The following AKR1D1 variants were observed in gnomAD, a reference collection of about 807,000 sequenced individuals.
AKR1D1 encodes aldo-keto reductase family 1 member D1.
In AKR1D1, 32 loss-of-function variants were observed where a neutral mutation model predicts 42.6. The ratio of observed to expected loss-of-function variants is 0.75; its 90% CI spans 0.57 to 1.01. The LOEUF (loss-of-function observed/expected upper bound fraction) is 1.01. Among genes scored for constraint, AKR1D1 ranks in the 50% least tolerant of loss-of-function variants. The pLI, the probability that AKR1D1 is intolerant of heterozygous loss-of-function variation, is 0.00. For missense variants in AKR1D1, 364 were observed against 402.2 expected, an observed-to-expected ratio of 0.91 and a Z score of 0.81; for synonymous variants, 123 against 135.5, an observed-to-expected ratio of 0.91 and a Z score of 0.64.
At chr7:138,107,836 TTTTTG>T (rs1794463853) in intron 7 of AKR1D1, among the ~76,000 whole-genome samples, 1 of 152,120 alleles carries the variant, frequency 6.6e-6, no homozygotes, top group South Asian at 2.1e-4. Context: ...TACTTTTTAT[TTTTTG>T]TTTTAAATTT....
Position 138,088,749 on chromosome 7 carries a change from A to T in AKR1D1, c.242A>T (p.Asp81Val), listed in dbSNP as rs567335712. The stretch of plus-strand genomic sequence containing the variant: ...GCAGAAGGAAAGGTGCGGAGGGAAG[A>T]TATCTTCTACTGTGGAAAGGTGAGA... ...KIAEGKVRRE[D>V]IFYCGKLWAT... The change falls in exon 2 of 9, where the codon GAT (aspartate) becomes GTT (valine). Residue 81 changes from aspartate to valine, a missense_variant. Coordinates refer to ENST00000242375, the MANE Select transcript of AKR1D1 (RefSeq NM_005989.4). The T allele has an allele frequency of 1.9e-5, 30 of 1,604,586 alleles. No homozygotes were observed. In the Admixed American group the frequency reaches 2.1e-4, roughly 11 times the overall value.
intron 1 of AKR1D1, among the ~76,000 whole-genome samples, chr7:138,087,567 A>G (rs1414593386): frequency 1.3e-5 from 2 of 152,230 alleles, no homozygotes; most frequent in Non-Finnish European, 2.9e-5. Flanking sequence ...TAAACTGTCC[A>G]TATTTAAAGT....
intron 5 of AKR1D1, 134 bp from the exon 6 acceptor site, chr7:138,106,474 A>G (rs1327846501): frequency 1.4e-6 from 1 of 721,724 alleles, no homozygotes; most frequent in African/African-American, 1.7e-5. Context: ...ACAGACTAGG[A>G]CACGAAATGT....
At chr7:138,111,504 C>G (rs1263386170) in intron 7 of AKR1D1, among the ~76,000 whole-genome samples, 6 of 152,166 alleles carry the variant, frequency 3.9e-5, no homozygotes, top group Admixed American at 1.3e-4. Context: ...ACATCTGATA[C>G]AGTTAACAAT....
At chr7:138,109,497 T>G (rs1794496533) in intron 7 of AKR1D1, among the ~76,000 whole-genome samples, 1 of 152,174 alleles carries the variant, frequency 6.6e-6, no homozygotes, top group Non-Finnish European at 1.5e-5. Flanking sequence ...AATCCCTGAT[T>G]AGCTCCTGAA....
intron 3 of AKR1D1, among the ~76,000 whole-genome samples, chr7:138,094,509 T>C (rs1276687784): frequency 6.6e-6 from 1 of 151,164 alleles, no homozygotes; most frequent in Non-Finnish European, 1.5e-5. Context: ...AGCAAGACCC[T>C]GTCTTGGAAA....
intron 4 of AKR1D1, among the ~76,000 whole-genome samples, chr7:138,103,960 C>T (rs1333340838): frequency 6.6e-6 from 1 of 151,824 alleles, no homozygotes; most frequent in Admixed American, 6.6e-5. Context: ...TGAGACCCCC[C>T]TCATCTCCAA....
At chr7:138,088,792 A>G (rs370064473) in intron 2 of AKR1D1, 24 bp downstream of exon 2, 13 of 1,573,288 alleles carry the variant, frequency 8.3e-6, no homozygotes, top group African/African-American at 2.7e-5. Context: ...TTCAGCCTCC[A>G]CTGGGGACAG....
rs201088819 is a variant in AKR1D1 at position 138,116,710 on chromosome 7, C to G, written c.*48C>G. 1 of 1,534,524 alleles carries G rather than the reference C, an allele frequency of 6.5e-7. No individual in the cohort carries two copies. ...TTTTTCACTCCCACGAGTGCCAAGA[C>G]GGTGCAATGGGTAGTCCCCTAGATG... On this transcript the variant is annotated 3_prime_UTR_variant, in exon 9 of 9. Coordinates refer to ENST00000242375, the MANE Select transcript of AKR1D1 (RefSeq NM_005989.4).
intron 1 of AKR1D1, among the ~76,000 whole-genome samples, chr7:138,085,054 C>CAAAAAAAAA (rs58253168): frequency 4.2e-5 from 3 of 70,834 alleles, no homozygotes; most frequent in African/African-American, 6.1e-5. Flanking sequence ...GACTCCGTCT[C>CAAAAAAAAA]AAAAAAAAAA....
chr7:138,096,003 C>T (rs1240392207), intron 3 of AKR1D1, among the ~76,000 whole-genome samples: 1 of 151,810 alleles, frequency 6.6e-6, no homozygotes, highest in African/African-American at 2.4e-5. Flanking sequence ...GAGTTCGAGA[C>T]CAGCCTGGAC....
At chr7:138,103,996 C>G (rs1018400028) in intron 4 of AKR1D1, among the ~76,000 whole-genome samples, 7 of 151,920 alleles carry the variant, frequency 4.6e-5, no homozygotes, top group African/African-American at 1.7e-4. Flanking sequence ...CAAAATTTAG[C>G]CAGTGTGGTT....
chr7:138,108,357 A>G (rs1463804180), intron 7 of AKR1D1, among the ~76,000 whole-genome samples: 2 of 152,248 alleles, frequency 1.3e-5, no homozygotes, highest in Non-Finnish European at 1.5e-5. Flanking sequence ...TTTCAAAAGT[A>G]AATTGCCTGT....
chr7:138,099,383 A>G (rs896713207), intron 4 of AKR1D1, among the ~76,000 whole-genome samples: 2 of 152,258 alleles, frequency 1.3e-5, no homozygotes, highest in African/African-American at 4.8e-5. Context: ...AACAGAACAG[A>G]GAACCAGGAA....
chr7:138,115,717 A>C (rs1794621218), intron 8 of AKR1D1, among the ~76,000 whole-genome samples: 1 of 152,186 alleles, frequency 6.6e-6, no homozygotes, highest in African/African-American at 2.4e-5. Flanking sequence ...TGAAAATCTT[A>C]ATATTTTCCA....
chr7:138,078,068 C>T (rs775207476), intron 1 of AKR1D1, among the ~76,000 whole-genome samples: 1 of 152,156 alleles, frequency 6.6e-6, no homozygotes, highest in Non-Finnish European at 1.5e-5. Context: ...CTCAAGCAAT[C>T]ATTCTGACTC....
At chr7:138,095,611 C>T (rs1277319966) in intron 3 of AKR1D1, among the ~76,000 whole-genome samples, 3 of 152,082 alleles carry the variant, frequency 2.0e-5, no homozygotes, top group Non-Finnish European at 2.9e-5. Flanking sequence ...CTGCAATCTC[C>T]GCCTCCCGGG....
intron 1 of AKR1D1, among the ~76,000 whole-genome samples, chr7:138,079,818 A>G (rs746794361): frequency 2.3e-4 from 35 of 152,210 alleles, no homozygotes; most frequent in Non-Finnish European, 4.6e-4. Context: ...ATCATGTCCC[A>G]TGGTCAGATG....
chr7:138,079,790 C>T (rs534102341), intron 1 of AKR1D1, among the ~76,000 whole-genome samples: 8 of 152,214 alleles, frequency 5.3e-5, no homozygotes, highest in Non-Finnish European at 1.0e-4. Flanking sequence ...TAATGGGCAG[C>T]TCTGGCCACA....
Sources: allele counts gnomAD v4.1 joint callset (sites outside exome capture counted in the v4.1 genomes callset), GRCh38; gene constraint gnomAD v4.1.1; transcripts MANE v1.5; gene names NCBI Gene and HGNC (gene_info 2026-07-23, HGNC 2026-07-21).